The following ELP3 variants were observed in gnomAD, a reference collection of about 807,000 sequenced individuals.
ELP3 encodes the protein elongator complex protein 3.
ELP3 carries 56 observed loss-of-function variants against 74.9 expected under a neutral mutation model. The ratio of observed to expected loss-of-function variants is 0.75; its 90% CI spans 0.60 to 0.93. The LOEUF (loss-of-function observed/expected upper bound fraction) is 0.93. Ranked by LOEUF, ELP3 falls within the 40% of genes least tolerant of loss-of-function variation. The pLI is 0.00. For synonymous variants in ELP3, 222 were observed against 239.8 expected (o/e 0.93, Z 0.68); for missense variants, 573 against 686.5 (o/e 0.83, Z 1.85).
chr8:28,182,587 G>A (rs962886260), intron 14 of ELP3, among the ~76,000 whole-genome samples: 1 of 152,074 alleles, frequency 6.6e-6, no homozygotes, highest in Admixed American at 6.6e-5. Context: ...AACCACATCT[G>A]GGTTTGTTCT....
chr8:28,140,663 A>G (rs927880585), intron 10 of ELP3, among the ~76,000 whole-genome samples: 12 of 152,278 alleles, frequency 7.9e-5, no homozygotes, highest in African/African-American at 1.7e-4. Context: ...CTGGGAGCCA[A>G]TGTCCTTCTT....
chr8:28,173,591 T>G (rs934573138), intron 14 of ELP3, among the ~76,000 whole-genome samples: 1 of 151,842 alleles, frequency 6.6e-6, no homozygotes, highest in East Asian at 1.9e-4. Context: ...TCTAATCTAT[T>G]ATTTTCTTCC....
chr8:28,155,940 A>G lies in ELP3; in HGVS notation c.1101-2A>G. 1.9e-6 allele frequency: 3 copies of G among 1,611,626 alleles called. No individual in the cohort carries two copies. Among genetic ancestry groups the G allele is most frequent in the East Asian group, 2.2e-5 (1 of 44,862 alleles). ...CAGCTTATGTTTTTCTCCTGTGTAC[A>G]GGGATATTCCAATGCCTTTAGTTAG... On this transcript the variant is annotated splice_acceptor_variant, in intron 10 of 14. Transcript: ENST00000256398. LOFTEE classifies it high-confidence loss of function.
intron 9 of ELP3, among the ~76,000 whole-genome samples, chr8:28,134,349 A>G (rs181985893): frequency 1.8e-4 from 28 of 152,200 alleles, no homozygotes; most frequent in Non-Finnish European, 4.0e-4. Flanking sequence ...ATAACATTGC[A>G]AGGACAACCT....
At chr8:28,160,776 C>T (rs1814047472) in intron 13 of ELP3, among the ~76,000 whole-genome samples, 1 of 118,618 alleles carries the variant, frequency 8.4e-6, no homozygotes. Flanking sequence ...CTCACTGCAA[C>T]CTCCGCCTCC....
chr8:28,090,482 G>GTGTGTGTGT (rs1554492430), upstream of ELP3: 4,139 of 160,140 alleles, frequency 0.026, 61 homozygotes, highest in African/African-American at 0.033. Flanking sequence ...CTGATGGGTG[G>GTGTGTGTGT]GTGTGTGTGT....
intron 9 of ELP3, among the ~76,000 whole-genome samples, chr8:28,135,974 T>C (rs1812972906): frequency 6.6e-6 from 1 of 151,396 alleles, no homozygotes; most frequent in Non-Finnish European, 1.5e-5. Flanking sequence ...TTTTTTTTTT[T>C]TTCTTGAGAT....
At chr8:28,163,399 T>G (rs1402961779) in intron 14 of ELP3, among the ~76,000 whole-genome samples, 10 of 152,112 alleles carry the variant, frequency 6.6e-5, no homozygotes, top group Non-Finnish European at 1.3e-4. Context: ...TTGTTGCCAA[T>G]CAGTAAATCA....
At position 28,190,963 on chromosome 8, in the gene ELP3, T is replaced by C. The variant is rs1321422655; in HGVS notation, c.*1238T>C. The C allele has an allele frequency of 2.0e-5, 3 of 152,232 alleles. No homozygotes were observed. The highest frequency in any genetic ancestry group is 7.2e-5 in the African/African-American group (3 of 41,452). The allele number at this position is 152,232 out of a possible 1,614,324, so 9.4% of individuals were successfully genotyped here. A position where few individuals can be genotyped will look rare whatever the true frequency, so the allele number is the denominator to read the frequency against. ...AACAATGGAAAACAGGATTGGCTTC[T>C]TCAAAGGCTCCTCTTGTAGAACTGC... On this transcript the variant is annotated 3_prime_UTR_variant, in exon 15 of 15. Transcript: ENST00000256398.
At chr8:28,168,482 G>A (rs1410096035) in intron 14 of ELP3, among the ~76,000 whole-genome samples, 1 of 152,158 alleles carries the variant, frequency 6.6e-6, no homozygotes, top group Non-Finnish European at 1.5e-5. Context: ...GTTCCTCTTA[G>A]TTTATGGATA....
chr8:28,092,786 T>TCCCCCCCCCCCC, upstream of ELP3: 1 of 156,842 alleles, frequency 6.4e-6, no homozygotes, highest in South Asian at 1.2e-4. Context: ...CCATTCGCGT[T>TCCCCCCCCCCCC]CCCACCCACC....
intron 2 of ELP3, among the ~76,000 whole-genome samples, chr8:28,098,618 C>T (rs776092095): frequency 6.6e-6 from 1 of 152,224 alleles, no homozygotes; most frequent in Non-Finnish European, 1.5e-5. Flanking sequence ...AAACTCGCCC[C>T]TCCTCAGATG....
At position 28,190,774 on chromosome 8, in the gene ELP3, G is replaced by A. The variant is rs528890759; in HGVS notation, c.*1049G>A. 1.3e-5 allele frequency: 2 copies of A among 152,220 alleles called. No individual in the cohort carries two copies. The highest frequency in any genetic ancestry group is 4.8e-5 in the African/African-American group (2 of 41,540). The allele number at this position is 152,220 out of a possible 1,614,324, so 9.4% of individuals were successfully genotyped here. A position where few individuals can be genotyped will look rare whatever the true frequency, so the allele number is the denominator to read the frequency against. On this transcript the variant is annotated 3_prime_UTR_variant, in exon 15 of 15. Transcript: ENST00000256398. ...GGGTTTCACCATATTGGTCAGGCTG[G>A]TCTCGAACTCCTGACCTCAGGTGAT...
At chr8:28,126,150 T>C (rs1289792374) in intron 7 of ELP3, among the ~76,000 whole-genome samples, 1 of 152,142 alleles carries the variant, frequency 6.6e-6, no homozygotes, top group South Asian at 2.1e-4. Context: ...TGACTACTTG[T>C]AGTGTGGGCA....
intron 10 of ELP3, among the ~76,000 whole-genome samples, chr8:28,152,825 G>A (rs1813692944): frequency 6.6e-6 from 1 of 152,052 alleles, no homozygotes; most frequent in Non-Finnish European, 1.5e-5. Context: ...AAATAAATGT[G>A]CTCAGCAGCA....
chr8:28,184,176 A>G (rs1815139388), intron 14 of ELP3, among the ~76,000 whole-genome samples: 1 of 152,164 alleles, frequency 6.6e-6, no homozygotes, highest in African/African-American at 2.4e-5. Flanking sequence ...CTTTCAAAAA[A>G]CAAGAGGCAG....
At chr8:28,130,460 C>T (rs1396813989) in intron 8 of ELP3, among the ~76,000 whole-genome samples, 1 of 152,146 alleles carries the variant, frequency 6.6e-6, no homozygotes, top group African/African-American at 2.4e-5. Context: ...TAGAAACAAC[C>T]AAGAGGAATG....
rs114985342 is a variant in ELP3, at chr8:28,117,954, T to C, written c.617+4781T>C. Among the ~76,000 whole-genome samples, 1,177 of 152,342 alleles carry C rather than the reference T, an allele frequency of 7.7e-3. 20 individuals are homozygous for C. The highest frequency in any genetic ancestry group is 0.026 in the African/African-American group (1,093 of 41,566). On this transcript the variant is annotated intron_variant, in intron 7 of 14. Coordinates refer to ENST00000256398, the MANE Select transcript of ELP3 (RefSeq NM_018091.6). ...CAGAGAAGTTGTGGTTTTGACATAA[T>C]GTGGCCCTCGGAAATGTTTGGATTT...
At chr8:28,120,348 T>C (rs918250468) in intron 7 of ELP3, among the ~76,000 whole-genome samples, 1 of 152,222 alleles carries the variant, frequency 6.6e-6, no homozygotes, top group African/African-American at 2.4e-5. Context: ...TGAACACTTT[T>C]TTAGTATGTG....
Sources: allele counts gnomAD v4.1 joint callset (sites outside exome capture counted in the v4.1 genomes callset), GRCh38; gene constraint gnomAD v4.1.1; transcripts MANE v1.5; gene names NCBI Gene and HGNC (gene_info 2026-07-23, HGNC 2026-07-21).